The following LOC400499 variants were observed in gnomAD, a reference collection of about 807,000 sequenced individuals.
chr16:11,480,039 ACAACAAGGGG>A, the LOC400499 span, among the ~76,000 whole-genome samples: 2 of 152,136 alleles, frequency 1.3e-5, no homozygotes, highest in African/African-American at 4.8e-5. Flanking sequence ...CACCCTCCCC[ACAACAAGGGG>A]CAACAAGGAA....
At chr16:11,458,753 T>C in the LOC400499 span, among the ~76,000 whole-genome samples, 2 of 152,042 alleles carry the variant, frequency 1.3e-5, no homozygotes, top group South Asian at 2.1e-4. Flanking sequence ...ATAGTAAATA[T>C]GGCCGGGTGT....
chr16:11,392,690 C>T, the LOC400499 span: 65,291 of 822,002 alleles, frequency 0.079, 2,832 homozygotes, highest in Middle Eastern at 0.11. Flanking sequence ...TCCCCTCCCC[C>T]GACACGGCAG....
the LOC400499 span, among the ~76,000 whole-genome samples, chr16:11,508,473 A>G: frequency 5.3e-5 from 8 of 152,308 alleles, no homozygotes; most frequent in East Asian, 1.5e-3. Flanking sequence ...GACAGAGGAG[A>G]AAAGGCTTCC....
At chr16:11,446,461 A>T in the LOC400499 span, 1 of 1,242,748 alleles carries the variant, frequency 8.0e-7, no homozygotes. Flanking sequence ...CTCAGTCCAG[A>T]TAACATGTTT....
the LOC400499 span, among the ~76,000 whole-genome samples, chr16:11,510,465 T>A: frequency 3.3e-5 from 5 of 151,754 alleles, no homozygotes; most frequent in Non-Finnish European, 7.4e-5. Flanking sequence ...GTCTTATCCT[T>A]CATTACTTTC....
At chr16:11,473,293 A>G in the LOC400499 span, 3 of 151,536 alleles carry the variant, frequency 2.0e-5, no homozygotes, top group African/African-American at 7.3e-5. Context: ...ATTATCAAGA[A>G]GCAAAATTTG....
chr16:11,401,780 C>T, the LOC400499 span, among the ~76,000 whole-genome samples: 1 of 152,234 alleles, frequency 6.6e-6, no homozygotes, highest in Non-Finnish European at 1.5e-5. Flanking sequence ...TGTGTGGCTT[C>T]ACGCACAGAA....
the LOC400499 span, among the ~76,000 whole-genome samples, chr16:11,411,582 G>A: frequency 1.5e-4 from 23 of 152,174 alleles, no homozygotes; most frequent in African/African-American, 5.1e-4. Context: ...CTGGCACCAG[G>A]AGCAAGCTTC....
At chr16:11,393,164 C>CTTT in the LOC400499 span, among the ~76,000 whole-genome samples, 415 of 115,110 alleles carry the variant, frequency 3.6e-3, 6 homozygotes, top group Middle Eastern at 0.015. Context: ...ACCCCCCCCC[C>CTTT]TTTTTTTTAA....
the LOC400499 span, among the ~76,000 whole-genome samples, chr16:11,453,613 C>T: frequency 1.3e-5 from 2 of 151,986 alleles, no homozygotes; most frequent in African/African-American, 2.4e-5. Context: ...GAAGGGCTAG[C>T]ATATGAAGTC....
chr16:11,516,985 AAC>A, the LOC400499 span, among the ~76,000 whole-genome samples: 2 of 152,182 alleles, frequency 1.3e-5, no homozygotes, highest in Non-Finnish European at 2.9e-5. Context: ...TTTGTTGAGA[AAC>A]AGCAAATACG....
At chr16:11,517,096 TG>T in the LOC400499 span, among the ~76,000 whole-genome samples, 1 of 152,134 alleles carries the variant, frequency 6.6e-6, no homozygotes, top group Non-Finnish European at 1.5e-5. Flanking sequence ...TTCATCCACC[TG>T]GGGAGAGCAG....
the LOC400499 span, among the ~76,000 whole-genome samples, chr16:11,444,692 G>A: frequency 6.6e-6 from 1 of 152,178 alleles, no homozygotes; most frequent in Non-Finnish European, 1.5e-5. Context: ...TATTCATTGA[G>A]CACCTACTGT....
chr16:11,427,899 A>T, the LOC400499 span, among the ~76,000 whole-genome samples: 1 of 152,182 alleles, frequency 6.6e-6, no homozygotes, highest in Non-Finnish European at 1.5e-5. Flanking sequence ...TGATGTCTAC[A>T]ACTCACTCTG....
At chr16:11,438,095 G>A in the LOC400499 span, among the ~76,000 whole-genome samples, 148 of 152,222 alleles carry the variant, frequency 9.7e-4, 2 homozygotes, top group East Asian at 0.013. Context: ...AAATGACAAC[G>A]GTGCTCCATG....
chr16:11,516,302 G>T, the LOC400499 span: 2 of 399,256 alleles, frequency 5.0e-6, no homozygotes, highest in Non-Finnish European at 8.8e-6. Flanking sequence ...ACGGCCCAGG[G>T]TGGCACTGCA....
the LOC400499 span, chr16:11,471,342 T>G: frequency 1.8e-5 from 4 of 223,796 alleles, no homozygotes; most frequent in Non-Finnish European, 3.5e-5. Context: ...ACAGAACTGA[T>G]TAAAAGGGAA....
chr16:11,435,524 C>T, the LOC400499 span: 2 of 397,688 alleles, frequency 5.0e-6, no homozygotes, highest in South Asian at 1.4e-4. Context: ...CTCAGTGGCA[C>T]CAATGGGGCT....
At chr16:11,521,899 T>C in the LOC400499 span, 2 of 398,872 alleles carry the variant, frequency 5.0e-6, no homozygotes, top group Non-Finnish European at 8.8e-6. Context: ...TGTGGCTTCC[T>C]CTTAGTCCTC....
Sources: allele counts gnomAD v4.1 joint callset (sites outside exome capture counted in the v4.1 genomes callset), GRCh38; gene constraint gnomAD v4.1.1; transcripts MANE v1.5.